Variants in CUL7 observed in about 807,000 individuals in gnomAD.
The protein encoded by CUL7 is cullin 7.
CUL7 carries 96 observed loss-of-function variants against 177.7 expected under a neutral mutation model. The ratio of observed to expected loss-of-function variants is 0.54; its 90% CI spans 0.46 to 0.64. The LOEUF is 0.64. CUL7 is among the 30% of genes least tolerant of loss of function. The pLI, the probability that CUL7 is intolerant of heterozygous loss-of-function variation, is 0.00. For synonymous variants in CUL7, 824 were observed against 890.2 expected, an observed-to-expected ratio of 0.93 and a Z score of 1.32; for missense variants, 1,893 against 2,187.9, an observed-to-expected ratio of 0.87 and a Z score of 2.69.
Position 43,043,027 on chromosome 6 carries a change from C to T in CUL7, c.3463-43G>A. On this transcript the variant is annotated intron_variant, in intron 18 of 25. Transcript: ENST00000265348. The surrounding 1 kb of genome is among the most constrained non-coding windows in gnomAD (Gnocchi z 4.2). ...GAGCATGAAGACACAACCCAACATG[C>T]CACCATTATGGTGTCCCCTCTCTCC... 6.2e-7 allele frequency: 1 copy of T among 1,612,782 alleles called. No homozygotes were observed. Among genetic ancestry groups the T allele is most frequent in the South Asian group, 1.1e-5 (1 of 91,048 alleles).
rs888497744 is a variant in CUL7 at position 43,040,855 on chromosome 6, C to G, written c.3806+60G>C. The G allele has an allele frequency of 1.1e-4, 179 of 1,603,956 alleles. No individual in the cohort carries two copies. Among genetic ancestry groups the G allele is most frequent in the Non-Finnish European group, 3.8e-5 (45 of 1,172,718 alleles). On this transcript the variant is annotated intron_variant, in intron 20 of 25. Coordinates refer to ENST00000265348, the MANE Select transcript of CUL7 (RefSeq NM_014780.5). The surrounding 1 kb of genome is among the most constrained non-coding windows in gnomAD (Gnocchi z 4.2). ...TATCCCAGACTTCCAGGCCCATGAG[C>G]TGGCTCTGCCACCATCATCCTGCCT...
chr6:43,041,556 C>T (rs946736860), intron 19 of CUL7, among the ~76,000 whole-genome samples: 18 of 151,984 alleles, frequency 1.2e-4, no homozygotes, highest in African/African-American at 3.6e-4. Context: ...TGAGCTGTGA[C>T]TGCACCACTG....
Position 43,049,416 on chromosome 6 carries a change from T to C in CUL7, c.1816A>G (p.Lys606Glu). The C allele has an allele frequency of 6.2e-7, 1 of 1,614,222 alleles. No individual in the cohort carries two copies. The highest frequency in any genetic ancestry group is 1.1e-5 in the South Asian group (1 of 91,086). The change falls in exon 7 of 26, where the codon AAA becomes GAA. Residue 606 changes from lysine (K) to glutamate (E), a missense_variant. By Grantham distance (56) the Lys-to-Glu change is moderately conservative. Coordinates refer to ENST00000265348, the MANE Select transcript of CUL7 (RefSeq NM_014780.5). ...AQAKDSEDAAKVEAKEPPSQS... is the reference protein window; with the variant it reads ...AQAKDSEDAAEVEAKEPPSQS... Reference sequence around the variant, plus strand: ...TGTGTCTGGCACCCACCTTCCACTTTGGCTGCATCTTCTGAGTCCTTAGCC... The same window carrying C: ...TGTGTCTGGCACCCACCTTCCACTTCGGCTGCATCTTCTGAGTCCTTAGCC...
chr6:43,038,183 C>G, intron 25 of CUL7, 84 bp downstream of exon 25: 3 of 1,535,466 alleles, frequency 2.0e-6, no homozygotes, highest in South Asian at 2.3e-5. Context: ...AGGTGCCTCA[C>G]CACACGTGCA....
At chr6:43,046,776 G>A in intron 10 of CUL7, 104 bp downstream of exon 10, 1 of 1,221,248 alleles carries the variant, frequency 8.2e-7, no homozygotes, top group Non-Finnish European at 1.2e-6. Flanking sequence ...GGTCACTAGA[G>A]TCACCTGCTG....
intron 24 of CUL7, 44 bp downstream of exon 24, chr6:43,038,522 G>A: frequency 1.2e-6 from 2 of 1,613,606 alleles, no homozygotes; most frequent in Non-Finnish European, 1.7e-6. Context: ...CGAGGAGCCT[G>A]GCCCTGCCTC....
In CUL7 at chr6:43,043,076, G is replaced by A. The variant is rs748076557; in HGVS notation, c.3460C>T (p.Gln1154Ter). 4 of 1,614,032 alleles carry A rather than the reference G, an allele frequency of 2.5e-6. No homozygotes were observed. The highest frequency in any genetic ancestry group is 3.4e-6 in the Non-Finnish European group (4 of 1,179,964). Residue 1154 changes from glutamine (Q) to a stop codon, truncating the protein, a stop_gained and splice_region_variant, in exon 18 of 26, where the codon CAG (glutamine) becomes TAG (stop). Coordinates refer to ENST00000265348, the MANE Select transcript of CUL7 (RefSeq NM_014780.5). LOFTEE classifies it high-confidence loss of function. This position sits in a 1 kb window ranked among gnomAD's most constrained non-coding sequence, Gnocchi z 4.2. ...CCCGCAGGCCTGCTCCTGCCCACCTGCTTCTCCACCACGGCCCGCCAACAG... is the reference window on the plus strand; with the variant it reads ...CCCGCAGGCCTGCTCCTGCCCACCTACTTCTCCACCACGGCCCGCCAACAG... The part of the protein sequence containing the change: ...TRCWRAVVEK[Q>*]VNNFLTSSWR...
chr6:43,046,873 T>A lies in CUL7; in HGVS notation c.2397+7A>T, dbSNP rs1763960100. 6.4e-7 allele frequency: 1 copy of A among 1,562,202 alleles called. No individual in the cohort carries two copies. Among genetic ancestry groups the A allele is most frequent in the African/African-American group, 1.4e-5 (1 of 73,872 alleles). ...CTCTAAGCCCACAAGCTCCCCTTCC[T>A]CCTGACCTGGATGCAGCCTCCCAGG... is the stretch of plus-strand genomic sequence containing the variant. On this transcript the variant is annotated splice_region_variant and intron_variant, in intron 10 of 25. Coordinates refer to ENST00000265348, the MANE Select transcript of CUL7 (RefSeq NM_014780.5).
rs1763162046 is a variant in CUL7 at position 43,038,713 on chromosome 6, ACATT to A, written c.4441-25_4441-22del. 5 of 1,613,440 alleles carry A rather than the reference ACATT, an allele frequency of 3.1e-6. No homozygotes were observed. In the East Asian group the frequency reaches 1.1e-4, roughly 36 times the overall value. On this transcript the variant is annotated intron_variant, in intron 23 of 25. Transcript: ENST00000265348. ...ACCGCCTTCAGAGAACAGATGGGAG[ACATT>A]CAGGGCCTCCCCAAGGAGTGGAGAG...
intron 25 of CUL7, 43 bp downstream of exon 25, chr6:43,038,224 C>T (rs768693300): frequency 6.2e-7 from 1 of 1,606,162 alleles, no homozygotes; most frequent in East Asian, 2.2e-5. Context: ...GCTCCCCCAA[C>T]CCCAGCAAAG....
rs918422872 is a variant in CUL7, at chr6:43,046,179, CAG to C, written c.2660+55_2660+56del. On this transcript the variant is annotated intron_variant, in intron 12 of 25. Transcript: ENST00000265348. ...GGTGGTGCTTCCCCCAAAACAAACA[CAG>C]GGGCGTCACAGGAAAGCACACGTGT... The C allele has an allele frequency of 2.5e-6, 4 of 1,613,552 alleles. No individual in the cohort carries two copies. The African/African-American group carries it at 5.3e-5, about 22-fold the overall frequency.
chr6:43,038,812 C>T (rs755940230), intron 23 of CUL7, 30 bp downstream of exon 23: 35 of 1,614,136 alleles, frequency 2.2e-5, no homozygotes, highest in Non-Finnish European at 3.0e-5. Flanking sequence ...AAGTGGGAGA[C>T]AGGAGAGAGG....
chr6:43,038,720 G>C, intron 23 of CUL7, 28 bp from the exon 24 acceptor site: 1 of 1,613,276 alleles, frequency 6.2e-7, no homozygotes, highest in South Asian at 1.1e-5. Context: ...GAGACATTCA[G>C]GGCCTCCCCA....
At chr6:43,041,754 C>T (rs2150312767) in intron 19 of CUL7, among the ~76,000 whole-genome samples, 1 of 151,456 alleles carries the variant, frequency 6.6e-6, no homozygotes, top group Non-Finnish European at 1.5e-5. Context: ...GCCTGTAATC[C>T]CAACACTTTG....
rs1180050403 is a variant in CUL7, at chr6:43,046,323, T to C, written c.2573A>G (p.Asp858Gly). The part of the protein sequence containing the change: ...SNPHRASKLT[D>G]HNPKTYWESN... ...CTCCCAATAGGTCTTGGGGTTGTGG[T>C]CCGTCAGCTTGCTGGCCCGGTGCGG... The change falls in exon 12 of 26, where the codon GAC (aspartate) becomes GGC (glycine). Residue 858 changes from aspartate to glycine, a missense_variant. This residue lies in a region of CUL7 where 973 missense variants were observed against 1,140.9 expected (regional missense o/e 0.85). Coordinates refer to ENST00000265348, the MANE Select transcript of CUL7 (RefSeq NM_014780.5). 6.2e-7 allele frequency: 1 copy of C among 1,614,064 alleles called. No individual in the cohort carries two copies. Among genetic ancestry groups the C allele is most frequent in the Non-Finnish European group, 8.5e-7 (1 of 1,180,042 alleles).
Position 43,044,872 on chromosome 6 carries a change from G to T in CUL7, c.3052C>A (p.Leu1018Met). ...LHLSSRLNGA[L>M]RQEQNFADRF... The stretch of plus-strand genomic sequence containing the variant: ...TCAGCAAAATTCTGCTCCTGGCGCA[G>T]AGCACCGTTGAGTCTGGGGGTGAGA... The change falls in exon 16 of 26, where the codon CTG (leucine) becomes ATG (methionine). Residue 1018 changes from leucine to methionine, a missense_variant. Physicochemically the swap from Leu to Met is conservative, Grantham distance 15. Around this residue, in one of 5 missense-constraint regions of CUL7, gnomAD observed 973 missense variants for 1,140.9 expected, o/e 0.85. Transcript: ENST00000265348. 6.2e-7 allele frequency: 1 copy of T among 1,613,634 alleles called. No individual in the cohort carries two copies. The highest frequency in any genetic ancestry group is 1.1e-5 in the South Asian group (1 of 91,062).
chr6:43,039,447 C>T (rs1178886099), intron 22 of CUL7, among the ~76,000 whole-genome samples: 1 of 152,114 alleles, frequency 6.6e-6, no homozygotes, highest in Admixed American at 6.5e-5. Context: ...AGGTGACTGA[C>T]CAGAAAAGAG....
At chr6:43,047,167 T>G (rs1362000904) in intron 9 of CUL7, 60 bp from the exon 10 acceptor site, 21 of 942,368 alleles carry the variant, frequency 2.2e-5, no homozygotes. Context: ...CAAGGGCACC[T>G]GCAGTAGCAG....
In CUL7 at chr6:43,038,860, C is replaced by T. The variant is rs1289742635; in HGVS notation, c.4422G>A (p.Leu1474=). ...HVSTVQMWLL[L]YLNDLKAVSV... ...GGGCCACCTTCAGGTCGTTGAGATA[C>T]AGCAGTAGCCACATCTGCACGGTGG... is the stretch of plus-strand genomic sequence containing the variant. The change falls in exon 23 of 26, where the codon CTG becomes CTA. Residue 1474 remains leucine, a synonymous_variant. Transcript: ENST00000265348. The T allele has an allele frequency of 2.5e-6, 4 of 1,614,068 alleles. No individual in the cohort carries two copies. The highest frequency in any genetic ancestry group is 1.7e-5 in the Admixed American group (1 of 59,994).
Sources: gnomAD v4.1 joint callset for allele counts (sites outside exome capture counted in the v4.1 genomes callset) on GRCh38, gnomAD v4.1.1 for gene constraint, gnomAD v4.1.1 regional missense constraint, Gnocchi (gnomAD v3.1) non-coding constraint, MANE v1.5 for transcripts, NCBI Gene and HGNC (gene_info 2026-07-23, HGNC 2026-07-21) for gene names.